Variants in LARP1B observed in about 807,000 individuals in gnomAD.
LARP1B encodes the protein La ribonucleoprotein 1B.
LARP1B carries 76 observed loss-of-function variants against 114.2 expected under a neutral mutation model. That is an observed-to-expected ratio of 0.67 (90% CI 0.55 to 0.81). The LOEUF (loss-of-function observed/expected upper bound fraction) is 0.81, where lower values mean the gene tolerates loss of function less well. Among genes scored for constraint, LARP1B ranks in the 30% least tolerant of loss-of-function variants. The pLI is 0.00. For missense variants in LARP1B, 1,014 were observed against 1,075.8 expected (o/e 0.94, Z 0.80); for synonymous variants, 345 against 348.0 (o/e 0.99, Z 0.10).
chr4:128,126,542 C>T (rs892185630), intron 11 of LARP1B, among the ~76,000 whole-genome samples: 2 of 152,042 alleles, frequency 1.3e-5, no homozygotes, highest in African/African-American at 2.4e-5. Context: ...AACGATAGAA[C>T]TGGAAGTAAA....
chr4:128,065,328 T>TTTC (rs1454369630), intron 1 of LARP1B, among the ~76,000 whole-genome samples: 3 of 136,980 alleles, frequency 2.2e-5, no homozygotes, highest in African/African-American at 8.5e-5. Context: ...TCTCTCTCTC[T>TTTC]CTCTTTCCTT....
intron 12 of LARP1B, among the ~76,000 whole-genome samples, chr4:128,169,668 G>A (rs1742688974): frequency 1.3e-5 from 2 of 150,912 alleles, no homozygotes; most frequent in Non-Finnish European, 3.0e-5. Flanking sequence ...TCGGAGTCTC[G>A]CCCTGTCGCC....
At chr4:128,203,376 T>C (rs928653991) in intron 17 of LARP1B, among the ~76,000 whole-genome samples, 8 of 124,744 alleles carry the variant, frequency 6.4e-5, no homozygotes, top group African/African-American at 2.1e-4. Flanking sequence ...CTCCCTCCCT[T>C]CCTTTCTTTT....
intron 9 of LARP1B, chr4:128,108,362 G>T (rs555860106): frequency 4.0e-6 from 4 of 990,246 alleles, no homozygotes; most frequent in African/African-American, 1.7e-5. Context: ...AGTGTACATT[G>T]TAAAACTCAG....
chr4:128,135,617 A>G (rs1233198686), intron 11 of LARP1B, among the ~76,000 whole-genome samples: 1 of 152,226 alleles, frequency 6.6e-6, no homozygotes, highest in African/African-American at 2.4e-5. Context: ...TATTGCTGCA[A>G]CACGGATGAA....
In LARP1B at chr4:128,200,534, G is replaced by T; in HGVS notation, c.2178G>T (p.Leu726Phe). ...RRRCLSERKRLGIGQSQEMNT... is the reference protein window; with the variant it reads ...RRRCLSERKRFGIGQSQEMNT... ...AACTTTTTTCAGAGAGAAAACGCTT[G>T]GGAATTGGTCAGTCCCAAGAAATGA... is the stretch of plus-strand genomic sequence containing the variant. The change falls in exon 17 of 20, where the codon TTG becomes TTT. Residue 726 changes from leucine (L) to phenylalanine (F), a missense_variant. By Grantham distance (22) the Leu-to-Phe change is conservative (BLOSUM62 0). Coordinates refer to ENST00000326639, the MANE Select transcript of LARP1B (RefSeq NM_018078.4). 1 of 1,485,458 alleles carries T rather than the reference G, an allele frequency of 6.7e-7. No homozygotes were observed. Among genetic ancestry groups the T allele is most frequent in the East Asian group, 2.5e-5 (1 of 40,622 alleles). 92.0% of individuals were successfully genotyped at this position (1,485,458 alleles called of 1,614,324 possible).
chr4:128,200,782 T>A (rs1257872094), intron 17 of LARP1B, 117 bp downstream of exon 17: 2 of 612,860 alleles, frequency 3.3e-6, no homozygotes, highest in African/African-American at 1.9e-5. Flanking sequence ...AAACTAGTAC[T>A]GAAGTAGCCT....
intron 16 of LARP1B, among the ~76,000 whole-genome samples, chr4:128,200,246 A>G (rs1475615019): frequency 6.6e-6 from 1 of 152,130 alleles, no homozygotes; most frequent in African/African-American, 2.4e-5. Context: ...CAATTTTTCC[A>G]TGGGGGATGG....
intron 12 of LARP1B, among the ~76,000 whole-genome samples, chr4:128,163,386 T>C (rs1203464416): frequency 1.3e-5 from 2 of 152,174 alleles, no homozygotes; most frequent in South Asian, 2.1e-4. Context: ...ATATGTAGTA[T>C]TGAATACTAT....
chr4:128,120,871 C>T (rs550279065), intron 10 of LARP1B, among the ~76,000 whole-genome samples: 13 of 145,932 alleles, frequency 8.9e-5, no homozygotes, highest in Admixed American at 2.8e-4. Flanking sequence ...AGTCCAGTGG[C>T]GTGATCTCGG....
intron 5 of LARP1B, among the ~76,000 whole-genome samples, chr4:128,086,767 A>G (rs776973561): frequency 6.6e-6 from 1 of 152,114 alleles, no homozygotes; most frequent in African/African-American, 2.4e-5. Flanking sequence ...GAGTTAGCTC[A>G]GGTGTTAGGT....
intron 1 of LARP1B, among the ~76,000 whole-genome samples, chr4:128,067,038 C>T (rs1244807161): frequency 1.3e-5 from 2 of 151,682 alleles, no homozygotes; most frequent in Non-Finnish European, 2.9e-5. Context: ...GAGCTCCTGA[C>T]CTCAGTTGAT....
intron 8 of LARP1B, among the ~76,000 whole-genome samples, chr4:128,101,693 T>G (rs1430733858): frequency 6.6e-6 from 1 of 152,088 alleles, no homozygotes; most frequent in Non-Finnish European, 1.5e-5. Flanking sequence ...TTGGCCAGGT[T>G]GGTCTCGAAC....
intron 15 of LARP1B, among the ~76,000 whole-genome samples, chr4:128,186,078 G>A (rs1395111212): frequency 6.6e-6 from 1 of 152,054 alleles, no homozygotes; most frequent in African/African-American, 2.4e-5. Context: ...TGGTTACTAT[G>A]GCTTTGTATT....
chr4:128,214,368 A>G (rs1189740253), downstream of LARP1B, among the ~76,000 whole-genome samples: 1 of 146,976 alleles, frequency 6.8e-6, no homozygotes, highest in Non-Finnish European at 1.5e-5. Context: ...ACAAACAAAA[A>G]GACAGCAGTA....
In LARP1B at chr4:128,176,885, A is replaced by G; in HGVS notation, c.1662A>G (p.Gly554=). The change falls in exon 13 of 20, where the codon GGA becomes GGG. Residue 554 remains glycine (G), a synonymous_variant. Coordinates refer to ENST00000326639, the MANE Select transcript of LARP1B (RefSeq NM_018078.4). ...PSQSRQGGVQ[G]VLHIPKKDLT... is the part of the protein sequence containing the mutation. ...CTCTCTTGGCAGGAGGTGTTCAAGG[A>G]GTGCTTCACATTCCCAAGAAAGGTA... The G allele has an allele frequency of 6.2e-7, 1 of 1,614,044 alleles. No individual in the cohort carries two copies. The highest frequency in any genetic ancestry group is 8.5e-7 in the Non-Finnish European group (1 of 1,179,890).
chr4:128,066,165 C>CTTTTTTTTTTTTTTTTTT (rs59927866), intron 1 of LARP1B, among the ~76,000 whole-genome samples: 25 of 99,190 alleles, frequency 2.5e-4, no homozygotes, highest in Admixed American at 4.0e-4. Flanking sequence ...TTTCTTTCTT[C>CTTTTTTTTTTTTTTTTTT]TTTTTTTTTT....
chr4:128,123,178 G>A, intron 11 of LARP1B: 1 of 985,432 alleles, frequency 1.0e-6, no homozygotes, highest in Middle Eastern at 5.2e-4. Flanking sequence ...GGAATCCCCA[G>A]TACTGCTTTT....
chr4:128,180,769 A>G (rs910465616), intron 15 of LARP1B, among the ~76,000 whole-genome samples: 2 of 152,232 alleles, frequency 1.3e-5, no homozygotes, highest in African/African-American at 2.4e-5. Context: ...TTAGATAAAT[A>G]CTAAGGAGCA....
Sources: allele counts gnomAD v4.1 joint callset (sites outside exome capture counted in the v4.1 genomes callset), GRCh38; gene constraint gnomAD v4.1.1; transcripts MANE v1.5; gene names NCBI Gene and HGNC (gene_info 2026-07-23, HGNC 2026-07-21).